ADAMTS17: variants seen among roughly 807,000 people sequenced by gnomAD.
ADAMTS17 encodes the protein ADAM metallopeptidase with thrombospondin type 1 motif 17.
A neutral mutation model predicts 141.5 loss-of-function variants in ADAMTS17; 113 were observed. That is an observed-to-expected ratio of 0.80 (90% confidence interval 0.69 to 0.93). The LOEUF is 0.93. Among genes scored for constraint, ADAMTS17 ranks in the 40% least tolerant of loss-of-function variants. The pLI is 0.00. For missense variants in ADAMTS17, 1,659 were observed against 1,517.9 expected (o/e 1.09, Z -1.54); for synonymous variants, 768 against 630.6 (o/e 1.22, Z -3.27).
intron 3 of ADAMTS17, among the ~76,000 whole-genome samples, chr15:100,297,315 C>T (rs1567504750): frequency 6.6e-6 from 1 of 152,180 alleles, no homozygotes; most frequent in Non-Finnish European, 1.5e-5. Flanking sequence ...GAGCTTTCTT[C>T]TTTAATTCTG....
At chr15:100,078,290 A>G (rs2034515169) in intron 15 of ADAMTS17, among the ~76,000 whole-genome samples, 1 of 152,054 alleles carries the variant, frequency 6.6e-6, no homozygotes, top group African/African-American at 2.4e-5. Context: ...CAGAATAGCC[A>G]AAGTAATACT....
At chr15:100,174,767 G>A (rs761707104) in intron 8 of ADAMTS17, among the ~76,000 whole-genome samples, 5 of 152,166 alleles carry the variant, frequency 3.3e-5, no homozygotes, top group Non-Finnish European at 7.3e-5. Context: ...CATGTTAGGA[G>A]GATGGAATGT....
At chr15:100,007,919 T>C (rs1259781573) in intron 18 of ADAMTS17, among the ~76,000 whole-genome samples, 1 of 151,704 alleles carries the variant, frequency 6.6e-6, no homozygotes, top group Non-Finnish European at 1.5e-5. Context: ...GGGCAGGGGC[T>C]TGGGGAGTGC....
At chr15:100,014,520 A>T (rs2061250643) in intron 18 of ADAMTS17, among the ~76,000 whole-genome samples, 1 of 151,928 alleles carries the variant, frequency 6.6e-6, no homozygotes, top group Non-Finnish European at 1.5e-5. Flanking sequence ...TCCTCTTATC[A>T]CTGCCTTTGC....
At chr15:100,090,038 A>T (rs1342850681) in intron 15 of ADAMTS17, among the ~76,000 whole-genome samples, 2 of 152,082 alleles carry the variant, frequency 1.3e-5, no homozygotes, top group Admixed American at 6.5e-5. Flanking sequence ...ATTGGAAAAA[A>T]AATTGTGTTT....
intron 8 of ADAMTS17, among the ~76,000 whole-genome samples, chr15:100,197,526 T>C (rs772446957): frequency 2.0e-5 from 3 of 152,166 alleles, no homozygotes; most frequent in Non-Finnish European, 2.9e-5. Flanking sequence ...GAGGTATTAA[T>C]ACAAATGCAA....
chr15:100,230,595 A>G (rs138170791), intron 7 of ADAMTS17, among the ~76,000 whole-genome samples: 9 of 152,352 alleles, frequency 5.9e-5, no homozygotes, highest in African/African-American at 2.2e-4. Flanking sequence ...AGGCATCTTC[A>G]TAACAGCTAT....
At chr15:100,015,517 C>A (rs1014417791) in intron 18 of ADAMTS17, among the ~76,000 whole-genome samples, 1 of 152,070 alleles carries the variant, frequency 6.6e-6, no homozygotes, top group African/African-American at 2.4e-5. Context: ...GAATTTGTTT[C>A]AAGATTTAGA....
chr15:100,167,365 T>C (rs78068089), intron 8 of ADAMTS17, among the ~76,000 whole-genome samples: 2,236 of 152,294 alleles, frequency 0.015, 66 homozygotes, highest in African/African-American at 0.051. Flanking sequence ...GGGAGCCCTT[T>C]GCCTGTTATC....
intron 3 of ADAMTS17, among the ~76,000 whole-genome samples, chr15:100,322,484 T>C (rs569324468): frequency 4.3e-4 from 65 of 152,272 alleles, no homozygotes; most frequent in African/African-American, 1.3e-3. Context: ...TCCAGAGTAA[T>C]AGAATTCAGA....
intron 16 of ADAMTS17, among the ~76,000 whole-genome samples, chr15:100,052,909 G>C (rs551663376): frequency 6.6e-6 from 1 of 152,190 alleles, no homozygotes; most frequent in Admixed American, 6.5e-5. Context: ...ACACCACTAC[G>C]GGGCAACGCC....
intron 6 of ADAMTS17, among the ~76,000 whole-genome samples, chr15:100,257,252 G>T (rs887442442): frequency 1.3e-5 from 2 of 152,150 alleles, no homozygotes; most frequent in African/African-American, 4.8e-5. Flanking sequence ...CAATCTCCCT[G>T]TGAAAACATC....
chr15:100,222,830 C>T (rs1171710100), intron 7 of ADAMTS17, among the ~76,000 whole-genome samples: 1 of 152,160 alleles, frequency 6.6e-6, no homozygotes, highest in African/African-American at 2.4e-5. Context: ...TAAGAGTGAC[C>T]AACTCGAATG....
chr15:100,245,992 G>A (rs2042975403), intron 7 of ADAMTS17, among the ~76,000 whole-genome samples: 1 of 152,002 alleles, frequency 6.6e-6, no homozygotes, highest in Non-Finnish European at 1.5e-5. Context: ...GTGGTGCACA[G>A]AGCAAGCACA....
At chr15:100,107,345 G>A (rs548634134) in intron 14 of ADAMTS17, among the ~76,000 whole-genome samples, 42 of 152,278 alleles carry the variant, frequency 2.8e-4, no homozygotes, top group African/African-American at 9.9e-4. Flanking sequence ...CCACAGTTCT[G>A]TGAGGGCAAC....
intron 7 of ADAMTS17, among the ~76,000 whole-genome samples, chr15:100,246,826 T>C (rs1389237797): frequency 9.2e-5 from 14 of 152,140 alleles, no homozygotes; most frequent in Admixed American, 9.2e-4. Flanking sequence ...TTGCCATCCA[T>C]GTATATGTAA....
At chr15:100,146,041 C>T (rs570218265) in intron 10 of ADAMTS17, among the ~76,000 whole-genome samples, 12 of 152,250 alleles carry the variant, frequency 7.9e-5, no homozygotes, top group South Asian at 4.1e-4. Flanking sequence ...GGTGTGGTGG[C>T]GCATGCCTGT....
intron 18 of ADAMTS17, among the ~76,000 whole-genome samples, chr15:99,999,455 G>A (rs758887738): frequency 3.2e-4 from 49 of 152,106 alleles, no homozygotes; most frequent in Non-Finnish European, 6.3e-4. Context: ...CCGTGACTAC[G>A]TGGGAAAAGG....
At chr15:100,025,306 A>AT (rs1343532552) in intron 18 of ADAMTS17, among the ~76,000 whole-genome samples, 1 of 150,000 alleles carries the variant, frequency 6.7e-6, no homozygotes, top group African/African-American at 2.5e-5. Flanking sequence ...GAATACCTTT[A>AT]TTTTTAGCCT....
Sources: gnomAD v4.1 joint callset for allele counts (sites outside exome capture counted in the v4.1 genomes callset) on GRCh38, gnomAD v4.1.1 for gene constraint, MANE v1.5 for transcripts, NCBI Gene and HGNC (gene_info 2026-07-23, HGNC 2026-07-21) for gene names.